ABL1: variants seen among roughly 807,000 people sequenced by gnomAD.
ABL1 encodes tyrosine-protein kinase ABL1.
A neutral mutation model predicts 94.7 loss-of-function variants in ABL1; 11 were observed. That is an observed-to-expected ratio of 0.12 (90% CI 0.07 to 0.19). The LOEUF (loss-of-function observed/expected upper bound fraction) is 0.19. Among genes scored for constraint, ABL1 ranks in the 10% least tolerant of loss-of-function variants. The probability of loss-of-function intolerance (pLI) is 1.00; values close to 1 mark genes in which losing one functional copy is unlikely to be tolerated. For synonymous variants in ABL1, 656 were observed against 622.4 expected (o/e 1.05, Z -0.80); for missense variants, 1,082 against 1,489.4 (o/e 0.73, Z 4.50).
intron 1 of ABL1, among the ~76,000 whole-genome samples, chr9:130,839,651 T>C (rs977409604): frequency 1.3e-5 from 2 of 152,220 alleles, no homozygotes; most frequent in Admixed American, 1.3e-4. Flanking sequence ...TCCTCTGACC[T>C]CTCTGAGCTT....
intron 1 of ABL1, among the ~76,000 whole-genome samples, chr9:130,752,910 G>A (rs1259217228): frequency 6.7e-6 from 1 of 149,362 alleles, no homozygotes; most frequent in African/African-American, 2.5e-5. Context: ...AGTGAGCCAA[G>A]ATCGCGCCAT....
intron 1 of ABL1, among the ~76,000 whole-genome samples, chr9:130,773,665 G>C (rs1458132074): frequency 6.7e-6 from 1 of 149,274 alleles, no homozygotes; most frequent in Non-Finnish European, 1.5e-5. Flanking sequence ...GTAGAGATGG[G>C]GTTTTGGGGT....
At chr9:130,764,774 G>T (rs1347137362) in intron 1 of ABL1, among the ~76,000 whole-genome samples, 1 of 152,102 alleles carries the variant, frequency 6.6e-6, no homozygotes, top group African/African-American at 2.4e-5. Context: ...TGGCTAACAT[G>T]GTGAAACCCT....
chr9:130,741,157 C>T (rs1453008267), intron 1 of ABL1, among the ~76,000 whole-genome samples: 4 of 152,160 alleles, frequency 2.6e-5, no homozygotes, highest in African/African-American at 4.8e-5. Flanking sequence ...GCCACTTCTC[C>T]GTGTTGAGGT....
intron 1 of ABL1, among the ~76,000 whole-genome samples, chr9:130,850,203 A>T (rs556058304): frequency 2.0e-5 from 3 of 152,354 alleles, no homozygotes; most frequent in Non-Finnish European, 4.4e-5. Flanking sequence ...TTGATATGAA[A>T]CCAATGAAAT....
chr9:130,828,548 G>A (rs1193247249), intron 1 of ABL1, among the ~76,000 whole-genome samples: 1 of 152,094 alleles, frequency 6.6e-6, no homozygotes, highest in Non-Finnish European at 1.5e-5. Context: ...ACAAAGACAT[G>A]GACTGTTGAG....
At chr9:130,721,114 C>CA (rs1223758781) in intron 1 of ABL1, among the ~76,000 whole-genome samples, 1 of 152,124 alleles carries the variant, frequency 6.6e-6, no homozygotes, top group Non-Finnish European at 1.5e-5. Context: ...CGCTGTGACT[C>CA]ACGCCTGTCA....
intron 1 of ABL1, among the ~76,000 whole-genome samples, chr9:130,853,166 TTTTC>T (rs1277156955): frequency 1.9e-5 from 2 of 105,600 alleles, no homozygotes; most frequent in African/African-American, 7.2e-5. Context: ...ACGATTTGAC[TTTTC>T]TTTTTTTTTT....
intron 1 of ABL1, among the ~76,000 whole-genome samples, chr9:130,815,036 T>G (rs1459644359): frequency 3.3e-5 from 5 of 151,522 alleles, no homozygotes; most frequent in Admixed American, 6.6e-5. Context: ...AAAGTCTTAA[T>G]TAAAATAATC....
intron 1 of ABL1, among the ~76,000 whole-genome samples, chr9:130,818,354 C>T (rs1830316426): frequency 6.6e-6 from 1 of 152,156 alleles, no homozygotes; most frequent in African/African-American, 2.4e-5. Context: ...CCTGTAGTTC[C>T]AGCTACTCAG....
chr9:130,728,158 G>C (rs968531283), intron 1 of ABL1, among the ~76,000 whole-genome samples: 4 of 149,756 alleles, frequency 2.7e-5, no homozygotes, highest in African/African-American at 9.9e-5. Flanking sequence ...CCGTCTCCCA[G>C]ACTCAAGCTG....
Position 130,885,804 on chromosome 9 carries a change from T to G in ABL1, c.*121T>G. ...AGTCAGCACCTTGGCCCAGGAGCTC[T>G]GCGCCAGGCAGAGCTGAGGGCCCTG... is the stretch of plus-strand genomic sequence containing the variant. On this transcript the variant is annotated 3_prime_UTR_variant, in exon 11 of 11. Transcript: ENST00000318560. 1 of 1,341,146 alleles carries G rather than the reference T, an allele frequency of 7.5e-7. No homozygotes were observed. The highest frequency in any genetic ancestry group is 1.0e-6 in the Non-Finnish European group (1 of 1,004,066). 83.1% of individuals were successfully genotyped at this position (1,341,146 alleles called of 1,614,324 possible). A position where few individuals can be genotyped will look rare whatever the true frequency, so the allele number is the denominator to read the frequency against.
chr9:130,843,571 C>T (rs756086829), intron 1 of ABL1, among the ~76,000 whole-genome samples: 1 of 152,016 alleles, frequency 6.6e-6, no homozygotes, highest in Non-Finnish European at 1.5e-5. Context: ...AGATTGCTTA[C>T]TGGGTGATAG....
intron 1 of ABL1, among the ~76,000 whole-genome samples, chr9:130,781,713 A>G (rs145231176): frequency 1.3e-5 from 2 of 152,254 alleles, no homozygotes; most frequent in African/African-American, 4.8e-5. Context: ...TACTAAAAGT[A>G]TATTATTTTG....
At chr9:130,850,943 T>C (rs1047310447) in intron 1 of ABL1, among the ~76,000 whole-genome samples, 3 of 151,806 alleles carry the variant, frequency 2.0e-5, no homozygotes, top group African/African-American at 7.3e-5. Context: ...TTTGTTTTTT[T>C]GAGAGAGTCT....
At chr9:130,815,199 T>C (rs1033527673) in intron 1 of ABL1, among the ~76,000 whole-genome samples, 8 of 151,588 alleles carry the variant, frequency 5.3e-5, no homozygotes, top group African/African-American at 1.9e-4. Flanking sequence ...TCAGGCGTGA[T>C]AGCACACGCC....
intron 1 of ABL1, among the ~76,000 whole-genome samples, chr9:130,765,567 C>T (rs1832172820): frequency 6.6e-6 from 1 of 152,120 alleles, no homozygotes; most frequent in Admixed American, 6.5e-5. Flanking sequence ...GTTTTTGATA[C>T]ATATTGCCAG....
At chr9:130,799,850 T>G (rs751289325) in intron 1 of ABL1, among the ~76,000 whole-genome samples, 8 of 151,940 alleles carry the variant, frequency 5.3e-5, no homozygotes, top group Admixed American at 2.0e-4. Context: ...GGATACTTAT[T>G]TATAAATTTT....
At chr9:130,742,231 G>A (rs538591932) in intron 1 of ABL1, among the ~76,000 whole-genome samples, 4 of 152,246 alleles carry the variant, frequency 2.6e-5, no homozygotes, top group South Asian at 2.1e-4. Flanking sequence ...TGCCATTTTG[G>A]GGATTATGCT....
Sources: allele counts gnomAD v4.1 joint callset (sites outside exome capture counted in the v4.1 genomes callset), GRCh38; gene constraint gnomAD v4.1.1; transcripts MANE v1.5; gene names NCBI Gene and HGNC (gene_info 2026-07-23, HGNC 2026-07-21).